Variants in CDT1 observed in about 807,000 individuals in gnomAD.
CDT1 encodes chromatin licensing and DNA replication factor 1.
In CDT1, 66 loss-of-function variants were observed where a neutral mutation model predicts 49.3. That is an observed-to-expected ratio of 1.34 (90% CI 1.10 to 1.64). The LOEUF is 1.64. Ranked by LOEUF, CDT1 falls within the 40% of genes most tolerant of loss-of-function variation. The pLI, the probability that CDT1 is intolerant of heterozygous loss-of-function variation, is 0.00. For missense variants in CDT1, 958 were observed against 807.7 expected (o/e 1.19, Z -2.26); for synonymous variants, 424 against 347.4 (o/e 1.22, Z -2.45).
At chr16:88,807,884 C>T (rs1401108052) in intron 9 of CDT1, among the ~76,000 whole-genome samples, 1 of 152,236 alleles carries the variant, frequency 6.6e-6, no homozygotes, top group African/African-American at 2.4e-5. Flanking sequence ...GGCCTCCATG[C>T]TCGGTGCCTC....
Position 88,803,912 on chromosome 16 carries a change from C to T in CDT1, c.81C>T (p.Cys27=). Residue 27 remains cysteine (C), a synonymous_variant, in exon 1 of 10, where the codon TGC becomes TGT. Coordinates refer to ENST00000301019, the MANE Select transcript of CDT1 (RefSeq NM_030928.4). ...GCATCGCGCCGCCCAAGCTGGCCTGCCGCACCCCCAGCCCCGCCAGGCCCG... is the reference window on the plus strand; with the variant it reads ...GCATCGCGCCGCCCAAGCTGGCCTGTCGCACCCCCAGCCCCGCCAGGCCCG... ...PPRIAPPKLA[C]RTPSPARPAL... is the part of the protein sequence containing the mutation. 2 of 1,391,996 alleles carry T rather than the reference C, an allele frequency of 1.4e-6. No individual in the cohort carries two copies. The highest frequency in any genetic ancestry group is 1.5e-5 in the African/African-American group (1 of 66,178). The allele number at this position is 1,391,996 out of a possible 1,614,324, so 86.2% of individuals were successfully genotyped here.
At position 88,807,072 on chromosome 16, in the gene CDT1, T is replaced by C. The variant is rs138244244; in HGVS notation, c.1144T>C (p.Leu382=). 44 of 1,612,902 alleles carry C rather than the reference T, an allele frequency of 2.7e-5. No individual in the cohort carries two copies. The highest frequency in any genetic ancestry group is 1.9e-4 in the African/African-American group (14 of 75,062). Residue 382 remains leucine, a synonymous_variant, in exon 8 of 10, where the codon TTG becomes CTG. Coordinates refer to ENST00000301019, the MANE Select transcript of CDT1 (RefSeq NM_030928.4). ...GCAGATGGAGAAGGCCTTGAGTCAA[T>C]TGGCCCTGCGCTCTGCTGCGCCCAG... is the stretch of plus-strand genomic sequence containing the variant. ...SPRMEKALSQ[L]ALRSAAPSSP... is the part of the protein sequence containing the mutation.
chr16:88,807,677 C>G (rs1010679859), intron 9 of CDT1, among the ~76,000 whole-genome samples, 195 bp downstream of exon 9: 7 of 152,232 alleles, frequency 4.6e-5, no homozygotes, highest in African/African-American at 1.7e-4. Context: ...CCGCCCGGCC[C>G]CTCCACACCT....
rs959379124 is a variant in CDT1, at chr16:88,806,569, A to G, written c.1017A>G (p.Glu339=). 4.3e-6 allele frequency: 7 copies of G among 1,609,284 alleles called. No homozygotes were observed. The highest frequency in any genetic ancestry group is 5.9e-6 in the Non-Finnish European group (7 of 1,178,580). Reference sequence around the variant, plus strand: ...GGCACCCGCGCTTCAACGTGGATGAAGTACCCGACATCGAGCCGGCCGCGC... The same window carrying G: ...GGCACCCGCGCTTCAACGTGGATGAGGTACCCGACATCGAGCCGGCCGCGC... ...TRWHPRFNVD[E]VPDIEPAALP... The change falls in exon 7 of 10, where the codon GAA becomes GAG. Residue 339 remains glutamate, a synonymous_variant. Transcript: ENST00000301019.
At chr16:88,806,913 G>A in intron 7 of CDT1, 138 bp from the exon 8 acceptor site, 1 of 1,261,814 alleles carries the variant, frequency 7.9e-7, no homozygotes. Flanking sequence ...TGCACACTGG[G>A]ACACTGCATT....
rs560550830 is a variant in CDT1 at position 88,805,033 on chromosome 16, C to T, written c.488+135C>T. Reference sequence around the variant, plus strand: ...TGGTGAGGTCACCAGGGCGCGGACCCAGACCCCTGAGAAAAAGGTCCCGGG... The same window carrying T: ...TGGTGAGGTCACCAGGGCGCGGACCTAGACCCCTGAGAAAAAGGTCCCGGG... On this transcript the variant is annotated intron_variant, in intron 3 of 9. Coordinates refer to ENST00000301019, the MANE Select transcript of CDT1 (RefSeq NM_030928.4). The T allele has an allele frequency of 6.4e-6, 8 of 1,244,222 alleles. No homozygotes were observed. In the East Asian group the frequency reaches 2.0e-4, roughly 32 times the overall value. The allele number at this position is 1,244,222 out of a possible 1,614,324, so 77.1% of individuals were successfully genotyped here. A position where few individuals can be genotyped will look rare whatever the true frequency, so the allele number is the denominator to read the frequency against.
chr16:88,805,688 G>A lies in CDT1; in HGVS notation c.687-36G>A, dbSNP rs572456795. On this transcript the variant is annotated intron_variant, in intron 4 of 9. Transcript: ENST00000301019. ...CTGTCCTGGAGTTGGGGGTGGGCCC[G>A]GGCCTGCCTCCTGAGCCGCCCCCAT... 1.4e-4 allele frequency: 218 copies of A among 1,612,594 alleles called. 1 individual carries two copies. The highest frequency in any genetic ancestry group is 9.9e-4 in the Middle Eastern group (6 of 6,048).
chr16:88,805,866 C>G lies in CDT1; in HGVS notation c.829C>G (p.Gln277Glu), dbSNP rs1352074652. The stretch of plus-strand genomic sequence containing the variant: ...GCTCACCATCGAGCCACTGCTGGAG[C>G]AGGGTGAGTGCTGGGTGCGGGACCT... ...YQLTIEPLLEQEADGAAPQLT... is the reference protein window; with the variant it reads ...YQLTIEPLLEEEADGAAPQLT... Residue 277 changes from glutamine to glutamate, a missense_variant, in exon 5 of 10, where the codon CAG becomes GAG. By Grantham distance (29) the Gln-to-Glu change is conservative (BLOSUM62 2). Coordinates refer to ENST00000301019, the MANE Select transcript of CDT1 (RefSeq NM_030928.4). 6.2e-7 allele frequency: 1 copy of G among 1,612,942 alleles called. No individual in the cohort carries two copies. The highest frequency in any genetic ancestry group is 1.7e-5 in the Admixed American group (1 of 59,990).
rs1310659719 is a variant in CDT1 at position 88,808,272 on chromosome 16, G to C, written c.1635G>C (p.Gly545=). ...RLAHQTRAEE[G]L ...CCCACCAGACACGTGCTGAGGAGGG[G>C]CTGTGAGCCTGGGGGCCACTGTGGA... Residue 545 remains glycine (G), a synonymous_variant, in exon 10 of 10, where the codon GGG becomes GGC. Coordinates refer to ENST00000301019, the MANE Select transcript of CDT1 (RefSeq NM_030928.4). 1 of 1,587,776 alleles carries C rather than the reference G, an allele frequency of 6.3e-7. No homozygotes were observed. Among genetic ancestry groups the C allele is most frequent in the Admixed American group, 1.8e-5 (1 of 55,874 alleles).
At chr16:88,808,085 C>A in intron 9 of CDT1, 30 bp from the exon 10 acceptor site, 1 of 1,609,296 alleles carries the variant, frequency 6.2e-7, no homozygotes, top group Non-Finnish European at 8.5e-7. Context: ...GGCCCAGCAC[C>A]AGCCTCAGTG....
At chr16:88,807,509 G>A (rs369852524) in intron 9 of CDT1, 27 bp downstream of exon 9, 171 of 1,601,206 alleles carry the variant, frequency 1.1e-4, no homozygotes, top group Admixed American at 1.3e-4. Flanking sequence ...GTGAAGGGGC[G>A]TGCAGGGTGG....
chr16:88,809,235 A>T lies in CDT1; in HGVS notation c.*957A>T. On this transcript the variant is annotated 3_prime_UTR_variant, in exon 10 of 10. Transcript: ENST00000301019. ...AGTATTTCTGACCTCCTAAACTCTA[A>T]TAAAGTCATGCTTACAGCCACTAGA... 1 of 355,604 alleles carries T rather than the reference A, an allele frequency of 2.8e-6. No homozygotes were observed. The highest frequency in any genetic ancestry group is 2.1e-5 in the South Asian group (1 of 47,814). 22.0% of individuals were successfully genotyped at this position (355,604 alleles called of 1,614,324 possible). A position where few individuals can be genotyped will look rare whatever the true frequency, so the allele number is the denominator to read the frequency against.
Position 88,808,246 on chromosome 16 carries a change from G to C in CDT1, c.1609G>C (p.Ala537Pro). 2 of 1,602,372 alleles carry C rather than the reference G, an allele frequency of 1.2e-6. No homozygotes were observed. The highest frequency in any genetic ancestry group is 1.7e-6 in the Non-Finnish European group (2 of 1,175,108). ...ADLAHITARL[A>P]HQTRAEEGL ...CCTCGCCCACATCACTGCACGCCTGGCCCACCAGACACGTGCTGAGGAGGG... is the reference window on the plus strand; with the variant it reads ...CCTCGCCCACATCACTGCACGCCTGCCCCACCAGACACGTGCTGAGGAGGG... The change falls in exon 10 of 10, where the codon GCC becomes CCC. Residue 537 changes from alanine to proline, a missense_variant. Physicochemically the swap from Ala to Pro is conservative, Grantham distance 27. Transcript: ENST00000301019.
At chr16:88,805,217 G>A (rs1007595107) in intron 3 of CDT1, among the ~76,000 whole-genome samples, 2 of 152,238 alleles carry the variant, frequency 1.3e-5, no homozygotes, top group Non-Finnish European at 2.9e-5. Flanking sequence ...GCTTCCCTGG[G>A]GGAGCTGCGT....
At position 88,805,888 on chromosome 16, in the gene CDT1, A is replaced by G; in HGVS notation, c.832+19A>G. 3.1e-6 allele frequency: 5 copies of G among 1,611,734 alleles called. No individual in the cohort carries two copies. The highest frequency in any genetic ancestry group is 4.2e-6 in the Non-Finnish European group (5 of 1,179,572). ...GAGCAGGGTGAGTGCTGGGTGCGGG[A>G]CCTCGGTTTCCCCATCTGTGAGCCG... On this transcript the variant is annotated intron_variant, in intron 5 of 9. Coordinates refer to ENST00000301019, the MANE Select transcript of CDT1 (RefSeq NM_030928.4).
In CDT1 at chr16:88,806,195, A is replaced by T. The variant is rs545572193; in HGVS notation, c.933+74A>T. 2.6e-5 allele frequency: 34 copies of T among 1,313,426 alleles called. No individual in the cohort carries two copies. The East Asian group carries it at 6.2e-4, about 24-fold the overall frequency. 81.4% of individuals were successfully genotyped at this position (1,313,426 alleles called of 1,614,324 possible). A position where few individuals can be genotyped will look rare whatever the true frequency, so the allele number is the denominator to read the frequency against. On this transcript the variant is annotated intron_variant, in intron 6 of 9. Coordinates refer to ENST00000301019, the MANE Select transcript of CDT1 (RefSeq NM_030928.4). ...CCTCAGCACCTAACCCTGTGCTTGG[A>T]GCATCCCTGCCACTCACAGCTTCTC... is the stretch of plus-strand genomic sequence containing the variant.
At chr16:88,805,393 G>A (rs773939363) in intron 3 of CDT1, 47 bp from the exon 4 acceptor site, 2 of 1,605,812 alleles carry the variant, frequency 1.2e-6, no homozygotes, top group Non-Finnish European at 1.7e-6. Flanking sequence ...TGGCGTTGGA[G>A]GGGTAGGGGC....
chr16:88,804,205 C>T (rs966530560), intron 1 of CDT1, 146 bp downstream of exon 1: 4 of 677,084 alleles, frequency 5.9e-6, no homozygotes, highest in Non-Finnish European at 6.6e-6. Context: ...TGGGACAGGC[C>T]GGGGGATCCT....
rs1011626278 is a variant in CDT1, at chr16:88,806,794, C to T, written c.1122+120C>T. ...ACGCCTCATCTGGCTTCCTCCTTGG[C>T]TGGCGGATCCAGAGAGTTGGTGGCA... On this transcript the variant is annotated intron_variant, in intron 7 of 9. Coordinates refer to ENST00000301019, the MANE Select transcript of CDT1 (RefSeq NM_030928.4). 38 of 1,345,304 alleles carry T rather than the reference C, an allele frequency of 2.8e-5. No homozygotes were observed. In the African/African-American group the frequency reaches 5.4e-4, roughly 19 times the overall value. The allele number at this position is 1,345,304 out of a possible 1,614,324, so 83.3% of individuals were successfully genotyped here. A position where few individuals can be genotyped will look rare whatever the true frequency, so the allele number is the denominator to read the frequency against.
Sources: gnomAD v4.1 joint callset for allele counts (sites outside exome capture counted in the v4.1 genomes callset) on GRCh38, gnomAD v4.1.1 for gene constraint, MANE v1.5 for transcripts, NCBI Gene and HGNC (gene_info 2026-07-23, HGNC 2026-07-21) for gene names.